Variants in TMEM132B observed in about 807,000 individuals in gnomAD.
The protein encoded by TMEM132B is transmembrane protein 132B.
Under a neutral mutation model 90.8 loss-of-function variants are expected in TMEM132B, and 18 were observed. That is an observed-to-expected ratio of 0.20 (90% CI 0.14 to 0.29). The LOEUF (loss-of-function observed/expected upper bound fraction) is 0.29. Ranked by LOEUF, TMEM132B falls within the 10% of genes least tolerant of loss-of-function variation. TMEM132B has a pLI of 1.00. For missense variants in TMEM132B, 1,096 were observed against 1,326.8 expected (o/e 0.83, Z 2.70); for synonymous variants, 504 against 523.3 (o/e 0.96, Z 0.50).
intron 3 of TMEM132B, among the ~76,000 whole-genome samples, chr12:125,517,219 G>A (rs1267249057): frequency 2.6e-5 from 4 of 151,010 alleles, no homozygotes; most frequent in East Asian, 2.0e-4. Context: ...GGAGTGCAGC[G>A]GTGTGATCTC....
At position 125,195,081 on chromosome 12, in the gene TMEM132B, T is replaced by C. The variant is rs139316346; in HGVS notation, c.67+8215T>C. ...GTTTCCCTTTCTGTAAAATGGGCTC[T>C]GAACTCGCTGTAGCTGGCCTTGTTC... On this transcript the variant is annotated intron_variant, in intron 1 of 8. Coordinates refer to ENST00000682704, the MANE Select transcript of TMEM132B (RefSeq NM_001366854.1). Among the ~76,000 whole-genome samples, 1,135 of 152,320 alleles carry C rather than the reference T, an allele frequency of 7.5e-3. 19 individuals carry two copies. Among genetic ancestry groups the C allele is most frequent in the African/African-American group, 0.026 (1,067 of 41,568 alleles).
intron 3 of TMEM132B, among the ~76,000 whole-genome samples, chr12:125,437,994 AG>A (rs1166512156): frequency 6.6e-6 from 1 of 152,188 alleles, no homozygotes; most frequent in Non-Finnish European, 1.5e-5. Flanking sequence ...AACAACAAAA[AG>A]GGGGAGAAGA....
At chr12:125,564,246 A>G (rs759105369) in intron 4 of TMEM132B, among the ~76,000 whole-genome samples, 1 of 152,250 alleles carries the variant, frequency 6.6e-6, no homozygotes, top group East Asian at 1.9e-4. Flanking sequence ...CTTATTTTAT[A>G]TATTAATCAA....
chr12:125,238,158 T>G (rs1057121729), intron 1 of TMEM132B, among the ~76,000 whole-genome samples: 2 of 152,012 alleles, frequency 1.3e-5, no homozygotes, highest in Admixed American at 6.6e-5. Flanking sequence ...ACAAAGATGT[T>G]GGGGACATTT....
Position 125,397,040 on chromosome 12 carries a change from C to T in TMEM132B, c.960-18491C>T, listed in dbSNP as rs55758483. Among the ~76,000 whole-genome samples the T allele has an allele frequency of 8.8e-4, 134 of 151,536 alleles. 1 individual carries two copies. The highest frequency in any genetic ancestry group is 1.7e-3 in the Non-Finnish European group (112 of 67,876). On this transcript the variant is annotated intron_variant, in intron 2 of 8. Coordinates refer to ENST00000682704, the MANE Select transcript of TMEM132B (RefSeq NM_001366854.1). Reference sequence around the variant, plus strand: ...AGGCTGGAGTGCAGTGGCGTGATCTCGGCTCACTGCAATCTCCCCCTCCCA... The same window carrying T: ...AGGCTGGAGTGCAGTGGCGTGATCTTGGCTCACTGCAATCTCCCCCTCCCA...
chr12:125,434,457 G>A (rs1397700700), intron 3 of TMEM132B, among the ~76,000 whole-genome samples: 6 of 151,322 alleles, frequency 4.0e-5, no homozygotes, highest in African/African-American at 1.5e-4. Context: ...TGGCCTGTCC[G>A]GGGTCAGCTG....
chr12:125,240,952 C>T (rs1301311383), intron 1 of TMEM132B, among the ~76,000 whole-genome samples: 26 of 152,248 alleles, frequency 1.7e-4, no homozygotes, highest in Admixed American at 6.5e-5. Context: ...AACGGGTGGG[C>T]GTGAAAGTCT....
chr12:125,245,324 C>G (rs1211696820), intron 1 of TMEM132B, among the ~76,000 whole-genome samples: 1 of 150,496 alleles, frequency 6.6e-6, no homozygotes, highest in East Asian at 2.0e-4. Flanking sequence ...CTCTGGCCCC[C>G]ACCATGCCTG....
chr12:125,198,903 G>A (rs1342831074), intron 1 of TMEM132B, among the ~76,000 whole-genome samples: 2 of 152,168 alleles, frequency 1.3e-5, no homozygotes, highest in African/African-American at 4.8e-5. Context: ...TTTATTGTGT[G>A]TGTGACCTCT....
At chr12:125,236,454 G>C (rs759764500) in intron 1 of TMEM132B, among the ~76,000 whole-genome samples, 61 of 152,144 alleles carry the variant, frequency 4.0e-4, no homozygotes, top group Admixed American at 6.5e-5. Context: ...ACCGCTCCCG[G>C]TCAATTCCTT....
At chr12:125,514,826 G>T (rs530230048) in intron 3 of TMEM132B, among the ~76,000 whole-genome samples, 1 of 152,180 alleles carries the variant, frequency 6.6e-6, no homozygotes, top group African/African-American at 2.4e-5. Context: ...TGTGGTCCTG[G>T]GGACACACTG....
chr12:125,244,565 G>T (rs1874166340), intron 1 of TMEM132B, among the ~76,000 whole-genome samples: 1 of 152,286 alleles, frequency 6.6e-6, no homozygotes, highest in African/African-American at 2.4e-5. Context: ...ACTGTCACTG[G>T]TATACACCCA....
At chr12:125,197,926 T>C (rs1262773706) in intron 1 of TMEM132B, among the ~76,000 whole-genome samples, 1 of 152,230 alleles carries the variant, frequency 6.6e-6, no homozygotes, top group East Asian at 1.9e-4. Context: ...TATGTAACAT[T>C]TAAAAAATAG....
chr12:125,463,185 A>G (rs886617751), intron 3 of TMEM132B, among the ~76,000 whole-genome samples: 2 of 152,320 alleles, frequency 1.3e-5, no homozygotes, highest in African/African-American at 4.8e-5. Flanking sequence ...GCTTTACTCA[A>G]ATTCTACTTG....
At chr12:125,641,362 C>T (rs1886625663) in intron 5 of TMEM132B, among the ~76,000 whole-genome samples, 1 of 152,132 alleles carries the variant, frequency 6.6e-6, no homozygotes, top group Non-Finnish European at 1.5e-5. Flanking sequence ...TAATGAGGGT[C>T]ATCTGTAATT....
chr12:125,544,649 T>C (rs973039633), intron 4 of TMEM132B, among the ~76,000 whole-genome samples: 1 of 152,198 alleles, frequency 6.6e-6, no homozygotes, highest in Non-Finnish European at 1.5e-5. Flanking sequence ...CAGACTTTAT[T>C]CCACTCATCT....
intron 2 of TMEM132B, among the ~76,000 whole-genome samples, chr12:125,356,558 C>T (rs141191842): frequency 1.3e-3 from 199 of 152,326 alleles, no homozygotes; most frequent in African/African-American, 4.4e-3. Context: ...AATATATAGA[C>T]TCTATCTACC....
At chr12:125,651,948 C>A (rs1886933838) in intron 7 of TMEM132B, among the ~76,000 whole-genome samples, 1 of 152,208 alleles carries the variant, frequency 6.6e-6, no homozygotes. Flanking sequence ...TCAGTAATGG[C>A]TGGATGGAGT....
chr12:125,362,588 T>C (rs1490398315), intron 2 of TMEM132B, among the ~76,000 whole-genome samples: 1 of 152,170 alleles, frequency 6.6e-6, no homozygotes, highest in African/African-American at 2.4e-5. Flanking sequence ...GGACTGAAAC[T>C]ACACTCACCA....
Sources: gnomAD v4.1 joint callset for allele counts (sites outside exome capture counted in the v4.1 genomes callset) on GRCh38, gnomAD v4.1.1 for gene constraint, MANE v1.5 for transcripts, NCBI Gene and HGNC (gene_info 2026-07-23, HGNC 2026-07-21) for gene names.